C1orf167: variants seen among roughly 807,000 people sequenced by gnomAD.
C1orf167 encodes uncharacterized protein C1orf167.
A neutral mutation model predicts 176.5 loss-of-function variants in C1orf167; 153 were observed. The observed-to-expected ratio is 0.87, with a 90% CI of 0.76 to 0.99. The LOEUF is 0.99. C1orf167 is among the 50% of genes least tolerant of loss of function. The probability of loss-of-function intolerance (pLI) is 0.00; values close to 1 mark genes in which losing one functional copy is unlikely to be tolerated. For synonymous variants in C1orf167, 594 were observed against 752.7 expected, an observed-to-expected ratio of 0.79 and a Z score of 3.45; for missense variants, 1,490 against 1,817.7, an observed-to-expected ratio of 0.82 and a Z score of 3.28.
intron 10 of C1orf167, chr1:11,778,275 G>A (rs915532199): frequency 3.1e-5 from 4 of 128,608 alleles, no homozygotes; most frequent in Admixed American, 1.0e-4. Flanking sequence ...CTGGGTCACA[G>A]AGCCAGACCC....
intron 3 of C1orf167, 44 bp from the exon 4 acceptor site, chr1:11,767,177 G>A: frequency 7.8e-7 from 1 of 1,289,032 alleles, no homozygotes; most frequent in Non-Finnish European, 1.0e-6. Context: ...TGTCCTGCCT[G>A]CTGCTTGGCC....
At position 11,779,788 on chromosome 1, in the gene C1orf167, C is replaced by G. The variant is rs1348261151; in HGVS notation, c.2652-14C>G. On this transcript the variant is annotated splice_polypyrimidine_tract_variant and intron_variant, in intron 12 of 20. Coordinates refer to ENST00000688073, the MANE Select transcript of C1orf167 (RefSeq NM_001010881.2). ...GACAGTGGCCATCCTCAGGGTGGAC[C>G]CTCCCTTTCCCAGCATCTTCCTCAG... 1 of 1,292,092 alleles carries G rather than the reference C, an allele frequency of 7.7e-7. No homozygotes were observed. The highest frequency in any genetic ancestry group is 1.2e-5 in the South Asian group (1 of 80,206). 80.0% of individuals were successfully genotyped at this position (1,292,092 alleles called of 1,614,324 possible). A position where few individuals can be genotyped will look rare whatever the true frequency, so the allele number is the denominator to read the frequency against.
Position 11,766,836 on chromosome 1 carries a change from C to T in C1orf167, c.1050C>T (p.Pro350=), listed in dbSNP as rs1054222384. The T allele has an allele frequency of 1.6e-6, 2 of 1,288,082 alleles. No individual in the cohort carries two copies. The highest frequency in any genetic ancestry group is 2.0e-6 in the Non-Finnish European group (2 of 987,670). 79.8% of individuals were successfully genotyped at this position (1,288,082 alleles called of 1,614,324 possible). A position where few individuals can be genotyped will look rare whatever the true frequency, so the allele number is the denominator to read the frequency against. Residue 350 remains proline, a synonymous_variant, in exon 3 of 21, where the codon CCC becomes CCT. Transcript: ENST00000688073. The surrounding 1 kb of genome is among the most constrained non-coding windows in gnomAD (Gnocchi z 4.5). ...AGCAGGGGCTCCCTCCTGCCCACCC[C>T]CTAGGGTCAGGGGACAGCTGCTCCC... ...NPEQGLPPAH[P]LGSGDSCSPW... is the part of the protein sequence containing the mutation.
rs535034384 is a variant in C1orf167, at chr1:11,776,226, C to T, written c.2165-238C>T. Among the ~76,000 whole-genome samples, 9 of 152,298 alleles carry T rather than the reference C, an allele frequency of 5.9e-5. No homozygotes were observed. In the South Asian group the frequency reaches 1.9e-3, roughly 32 times the overall value. ...GAGCTGAGATCGTGCCATTGCATTC[C>T]AGCCTGGGCGACAAGGGCAAAATTC... On this transcript the variant is annotated intron_variant, in intron 9 of 20. Transcript: ENST00000688073.
chr1:11,766,457 C>G lies in C1orf167; in HGVS notation c.671C>G (p.Pro224Arg). ...EPLTLEDLAV[P>R]SQNQTQAPSR... Reference sequence around the variant, plus strand: ...CTCACCCTGGAGGACCTGGCTGTCCCCAGTCAGAACCAGACTCAGGCCCCA... The same window carrying G: ...CTCACCCTGGAGGACCTGGCTGTCCGCAGTCAGAACCAGACTCAGGCCCCA... The change falls in exon 3 of 21, where the codon CCC (proline) becomes CGC (arginine). Residue 224 changes from proline (P) to arginine (R), a missense_variant. Coordinates refer to ENST00000688073, the MANE Select transcript of C1orf167 (RefSeq NM_001010881.2). The surrounding 1 kb of genome is among the most constrained non-coding windows in gnomAD (Gnocchi z 4.5). 3 of 1,286,896 alleles carry G rather than the reference C, an allele frequency of 2.3e-6. No individual in the cohort carries two copies. Among genetic ancestry groups the G allele is most frequent in the Non-Finnish European group, 3.0e-6 (3 of 987,376 alleles). 79.7% of individuals were successfully genotyped at this position (1,286,896 alleles called of 1,614,324 possible).
chr1:11,766,745 C>T lies in C1orf167; in HGVS notation c.959C>T (p.Ala320Val). 4.7e-6 allele frequency: 6 copies of T among 1,289,786 alleles called. No individual in the cohort carries two copies. Among genetic ancestry groups the T allele is most frequent in the Non-Finnish European group, 5.1e-6 (5 of 988,862 alleles). The allele number at this position is 1,289,786 out of a possible 1,614,324, so 79.9% of individuals were successfully genotyped here. Residue 320 changes from alanine (A) to valine (V), a missense_variant, in exon 3 of 21, where the codon GCA becomes GTA. Transcript: ENST00000688073. This position sits in a 1 kb window ranked among gnomAD's most constrained non-coding sequence, Gnocchi z 4.5. ...ETPASLSDSW[A>V]QSKLMSPETT... ...CCGGCTAGTCTCTCAGACTCTTGGG[C>T]ACAAAGCAAGCTAATGTCACCTGAG...
In C1orf167 at chr1:11,787,931, G is replaced by C; in HGVS notation, c.3732G>C (p.Gln1244His). Reference protein sequence around the residue: ...AFQLWPQWPGQSSWVPGLPLW... With the variant: ...AFQLWPQWPGHSSWVPGLPLW... ...AGCTCTGGCCACAGTGGCCTGGACAGAGTAGCTGGGTCCCAGGCCTGCCCC... is the reference window on the plus strand; with the variant it reads ...AGCTCTGGCCACAGTGGCCTGGACACAGTAGCTGGGTCCCAGGCCTGCCCC... The change falls in exon 18 of 21, where the codon CAG becomes CAC. Residue 1244 changes from glutamine (Q) to histidine (H), a missense_variant. Physicochemically the swap from Gln to His is conservative, Grantham distance 24 (BLOSUM62 0). Coordinates refer to ENST00000688073, the MANE Select transcript of C1orf167 (RefSeq NM_001010881.2). 1.5e-6 allele frequency: 2 copies of C among 1,303,272 alleles called. No individual in the cohort carries two copies. Among genetic ancestry groups the C allele is most frequent in the Non-Finnish European group, 2.0e-6 (2 of 988,406 alleles). 80.7% of individuals were successfully genotyped at this position (1,303,272 alleles called of 1,614,324 possible).
At chr1:11,780,065 C>T (rs1010183333) in intron 13 of C1orf167, 55 bp downstream of exon 13, 1 of 1,186,328 alleles carries the variant, frequency 8.4e-7, no homozygotes, top group African/African-American at 1.6e-5. Flanking sequence ...CAGGGTCTGT[C>T]TGAGACCCAG....
intron 14 of C1orf167, 30 bp downstream of exon 14, chr1:11,782,363 G>C: frequency 8.3e-7 from 1 of 1,209,794 alleles, no homozygotes; most frequent in Non-Finnish European, 1.1e-6. Flanking sequence ...GGAGGGTGTT[G>C]GTCCTCCCCA....
At chr1:11,773,908 A>AT (rs753255170) in intron 8 of C1orf167, among the ~76,000 whole-genome samples, 1 of 78,398 alleles carries the variant, frequency 1.3e-5, no homozygotes, top group African/African-American at 3.5e-5. Context: ...TTTATTTTTA[A>AT]TTAAAAAAAA....
At chr1:11,782,108 C>T (rs1051139860) in intron 13 of C1orf167, 81 bp from the exon 14 acceptor site, 35 of 1,148,056 alleles carry the variant, frequency 3.0e-5, no homozygotes, top group Middle Eastern at 2.7e-4. Flanking sequence ...TGGTAGGGGG[C>T]GAAGGGCTGG....
chr1:11,767,309 A>G, intron 4 of C1orf167, 45 bp downstream of exon 4: 1 of 1,266,412 alleles, frequency 7.9e-7, no homozygotes, highest in African/African-American at 1.5e-5. Context: ...GTTGGGGGAC[A>G]CGTGCTCAGG....
chr1:11,771,119 A>C (rs763227521), intron 6 of C1orf167, among the ~76,000 whole-genome samples: 1 of 115,080 alleles, frequency 8.7e-6, no homozygotes, highest in Admixed American at 1.3e-4. Context: ...GAGTTTCACT[A>C]TGTCGGCCAG....
At chr1:11,779,448 A>G (rs1643488013) in intron 12 of C1orf167, 1 of 226,520 alleles carries the variant, frequency 4.4e-6, no homozygotes, top group Admixed American at 5.1e-5. Flanking sequence ...AAATGGGGTT[A>G]ATAGTACTGG....
chr1:11,787,757 C>T (rs921281125), intron 17 of C1orf167, 116 bp from the exon 18 acceptor site: 3 of 1,164,260 alleles, frequency 2.6e-6, no homozygotes, highest in African/African-American at 3.2e-5. Flanking sequence ...GGGCACAAGG[C>T]TAAGCTCAGC....
Position 11,784,240 on chromosome 1 carries a change from T to G in C1orf167, c.3072T>G (p.Phe1024Leu). ...TGCTCCGGGCCCAGCATCAAGCCTTTCAGGATGGCCTGAGGAGAAGAGCAC... is the reference window on the plus strand; with the variant it reads ...TGCTCCGGGCCCAGCATCAAGCCTTGCAGGATGGCCTGAGGAGAAGAGCAC... The part of the protein sequence containing the change: ...TGVLRAQHQA[F>L]QDGLRRRALG... Residue 1024 changes from phenylalanine (F) to leucine (L), a missense_variant, in exon 15 of 21, where the codon TTT becomes TTG. Physicochemically the swap from Phe to Leu is conservative, Grantham distance 22 (BLOSUM62 0). Coordinates refer to ENST00000688073, the MANE Select transcript of C1orf167 (RefSeq NM_001010881.2). 7.7e-7 allele frequency: 1 copy of G among 1,295,026 alleles called. No individual in the cohort carries two copies. The highest frequency in any genetic ancestry group is 2.2e-4 in the Middle Eastern group (1 of 4,644). 80.2% of individuals were successfully genotyped at this position (1,295,026 alleles called of 1,614,324 possible).
In C1orf167 at chr1:11,771,069, A is replaced by ATTTTTT. The variant is rs147195468; in HGVS notation, c.1698-433_1698-428dup. On this transcript the variant is annotated intron_variant, in intron 6 of 20. Coordinates refer to ENST00000688073, the MANE Select transcript of C1orf167 (RefSeq NM_001010881.2). Reference sequence around the variant, plus strand: ...TGTGTGTATATATATATATATATATATTTTTTTTTTTTTTTTTTTTTTTTT... The same window carrying ATTTTTT: ...TGTGTGTATATATATATATATATATATTTTTTTTTTTTTTTTTTTTTTTTTTTTTTT... Among the ~76,000 whole-genome samples, 8 of 47,226 alleles carry ATTTTTT rather than the reference A, an allele frequency of 1.7e-4. 1 individual carries two copies. Among genetic ancestry groups the ATTTTTT allele is most frequent in the African/African-American group, 3.9e-4 (4 of 10,184 alleles). 31.0% of individuals were successfully genotyped at this position (47,226 alleles called of 152,430 possible). A position where few individuals can be genotyped will look rare whatever the true frequency, so the allele number is the denominator to read the frequency against.
Position 11,766,076 on chromosome 1 carries a change from G to C in C1orf167, c.290G>C (p.Ser97Thr), listed in dbSNP as rs565747241. The change falls in exon 3 of 21, where the codon AGC (serine) becomes ACC (threonine). Residue 97 changes from serine to threonine, a missense_variant. Transcript: ENST00000688073. The surrounding 1 kb of genome is among the most constrained non-coding windows in gnomAD (Gnocchi z 4.5). Reference protein sequence around the residue: ...KDTTGQLVNSSFWQQSNLQSL... With the variant: ...KDTTGQLVNSTFWQQSNLQSL... ...ACGACTGGCCAACTGGTCAATTCAA[G>C]CTTCTGGCAACAGAGCAACCTGCAG... 7.8e-7 allele frequency: 1 copy of C among 1,289,898 alleles called. No homozygotes were observed. Among genetic ancestry groups the C allele is most frequent in the South Asian group, 1.2e-5 (1 of 81,032 alleles). 79.9% of individuals were successfully genotyped at this position (1,289,898 alleles called of 1,614,324 possible).
chr1:11,776,903 T>C lies in C1orf167; in HGVS notation c.2339+265T>C, dbSNP rs375574088. The stretch of plus-strand genomic sequence containing the variant: ...CAGGGGGCTGCCAGAGACACAGACA[T>C]GGAGCTCTACAGGGGTGGCCGGAAC... On this transcript the variant is annotated intron_variant, in intron 10 of 20. Transcript: ENST00000688073. Among the ~76,000 whole-genome samples the C allele has an allele frequency of 2.2e-4, 34 of 152,256 alleles. 1 individual carries two copies. In the South Asian group the frequency reaches 7.0e-3, roughly 32 times the overall value.
Sources: allele counts gnomAD v4.1 joint callset (sites outside exome capture counted in the v4.1 genomes callset), GRCh38; gene constraint gnomAD v4.1.1; non-coding constraint Gnocchi (gnomAD v3.1); transcripts MANE v1.5; gene names NCBI Gene and HGNC (gene_info 2026-07-23, HGNC 2026-07-21).